LIPI: variants seen among roughly 807,000 people sequenced by gnomAD.
LIPI encodes lipase I.
A neutral mutation model predicts 50.6 loss-of-function variants in LIPI; 59 were observed. The observed-to-expected ratio is 1.16, with a 90% confidence interval of 0.94 to 1.45. The LOEUF (loss-of-function observed/expected upper bound fraction) is 1.45, where lower values mean the gene tolerates loss of function less well. LIPI is among the 40% of genes most tolerant of loss of function. LIPI has a pLI of 0.00. For synonymous variants in LIPI, 203 were observed against 178.2 expected, an observed-to-expected ratio of 1.14 and a Z score of -1.11; for missense variants, 586 against 536.3, an observed-to-expected ratio of 1.09 and a Z score of -0.92.
At position 14,113,697 on chromosome 21, in the gene LIPI, G is replaced by A. The variant is rs28798168; in HGVS notation, c.1296-4617C>T. Among the ~76,000 whole-genome samples the A allele has an allele frequency of 6.3e-3, 953 of 152,278 alleles. 12 individuals carry two copies. The highest frequency in any genetic ancestry group is 0.021 in the African/African-American group (877 of 41,544). ...ACTTGATGAAAACTATAAACCCACT[G>A]TATTAGTCTGTTCTCACACTGCTAT... On this transcript the variant is annotated intron_variant, in intron 9 of 9. Coordinates refer to ENST00000681601, the MANE Select transcript of LIPI (RefSeq NM_001302998.2).
intron 9 of LIPI, among the ~76,000 whole-genome samples, chr21:14,126,264 CATT>C (rs1158824214): frequency 1.3e-5 from 2 of 152,138 alleles, no homozygotes; most frequent in Non-Finnish European, 2.9e-5. Context: ...TTAACAGCAG[CATT>C]ATTATAAACA....
At chr21:14,140,651 T>C (rs1434913217) in intron 9 of LIPI, among the ~76,000 whole-genome samples, 2 of 152,150 alleles carry the variant, frequency 1.3e-5, no homozygotes, top group Non-Finnish European at 2.9e-5. Context: ...TTAATCTTGA[T>C]ATATGACATA....
At chr21:14,152,715 CATT>C (rs1568852449) in intron 7 of LIPI, 31 bp from the exon 8 acceptor site, 5 of 1,134,706 alleles carry the variant, frequency 4.4e-6, no homozygotes, top group Non-Finnish European at 6.6e-6. Flanking sequence ...ATACAACTCA[CATT>C]ATTTTTTAAT....
At position 14,124,545 on chromosome 21, in the gene LIPI, A is replaced by C. The variant is rs538108447; in HGVS notation, c.1296-15465T>G. ...GCTTCACCTCTCTAGGGCAGCTGCA[A>C]AGTTACAAGGTTGATACAGAAACAT... On this transcript the variant is annotated intron_variant, in intron 9 of 9. Transcript: ENST00000681601. 3.9e-5 allele frequency among the ~76,000 whole-genome samples: 6 copies of C among 152,240 alleles called. No individual in the cohort carries two copies. In the South Asian group the frequency reaches 1.2e-3, roughly 32 times the overall value.
intron 4 of LIPI, among the ~76,000 whole-genome samples, chr21:14,173,887 T>C (rs367574446): frequency 6.6e-6 from 1 of 151,856 alleles, no homozygotes; most frequent in South Asian, 2.1e-4. Flanking sequence ...GGTGACTTGA[T>C]TGGGACAATG....
At chr21:14,161,341 T>A (rs1281965323) in intron 7 of LIPI, among the ~76,000 whole-genome samples, 1 of 145,218 alleles carries the variant, frequency 6.9e-6, no homozygotes, top group Non-Finnish European at 1.5e-5. Flanking sequence ...TATATAGTTA[T>A]ATATAATATA....
chr21:14,164,986 C>T (rs2018624891), intron 6 of LIPI, among the ~76,000 whole-genome samples: 1 of 152,094 alleles, frequency 6.6e-6, no homozygotes, highest in East Asian at 1.9e-4. Flanking sequence ...CTAATCTGCC[C>T]ACTACACTGA....
intron 9 of LIPI, among the ~76,000 whole-genome samples, chr21:14,140,819 A>G (rs898574293): frequency 6.6e-6 from 1 of 152,072 alleles, no homozygotes; most frequent in Non-Finnish European, 1.5e-5. Context: ...TTACTGTTTC[A>G]TAAAGCTGTG....
intron 4 of LIPI, among the ~76,000 whole-genome samples, chr21:14,166,949 C>T (rs1044770456): frequency 3.9e-5 from 6 of 152,214 alleles, no homozygotes; most frequent in Non-Finnish European, 8.8e-5. Flanking sequence ...CAGGGAGTTC[C>T]CTTTCCTAGT....
chr21:14,158,374 A>T (rs1330882897), intron 7 of LIPI, among the ~76,000 whole-genome samples: 1 of 151,634 alleles, frequency 6.6e-6, no homozygotes, highest in Non-Finnish European at 1.5e-5. Context: ...TTCTCTAAAA[A>T]ATACATAGAA....
rs2019548129 is a variant in LIPI, at chr21:14,188,903, T to A, written c.432+131A>T. 5 of 790,138 alleles carry A rather than the reference T, an allele frequency of 6.3e-6. No homozygotes were observed. The Admixed American group carries it at 8.5e-5, about 14-fold the overall frequency. 48.9% of individuals were successfully genotyped at this position (790,138 alleles called of 1,614,324 possible). A position where few individuals can be genotyped will look rare whatever the true frequency, so the allele number is the denominator to read the frequency against. On this transcript the variant is annotated intron_variant, in intron 2 of 9. Transcript: ENST00000681601. Reference sequence around the variant, plus strand: ...ATACATTGGTATATCAAACCAGTAATTGTTAATGCTTATGGGGAAAAGTAT... The same window carrying A: ...ATACATTGGTATATCAAACCAGTAAATGTTAATGCTTATGGGGAAAAGTAT...
chr21:14,150,052 T>C (rs1302822926), intron 8 of LIPI, among the ~76,000 whole-genome samples: 1 of 152,198 alleles, frequency 6.6e-6, no homozygotes, highest in Non-Finnish European at 1.5e-5. Flanking sequence ...CACACTGCCC[T>C]AGCAGAGGTT....
At chr21:14,170,008 G>T (rs1824624994) in intron 4 of LIPI, among the ~76,000 whole-genome samples, 1 of 152,048 alleles carries the variant, frequency 6.6e-6, no homozygotes, top group African/African-American at 2.4e-5. Context: ...TCAAATAGAT[G>T]CAATAAAAAA....
chr21:14,189,890 AAAT>A (rs1433262529), intron 1 of LIPI, among the ~76,000 whole-genome samples: 4 of 152,114 alleles, frequency 2.6e-5, no homozygotes, highest in African/African-American at 4.8e-5. Flanking sequence ...TCAAAAAATT[AAAT>A]AATAAATATT....
chr21:14,183,212 C>T (rs1479073740), intron 3 of LIPI, among the ~76,000 whole-genome samples: 1 of 151,944 alleles, frequency 6.6e-6, no homozygotes, highest in Non-Finnish European at 1.5e-5. Flanking sequence ...CTGAGAAAAA[C>T]AAGAAATGGG....
At chr21:14,135,470 TG>T (rs1166400807) in intron 9 of LIPI, among the ~76,000 whole-genome samples, 1 of 152,112 alleles carries the variant, frequency 6.6e-6, no homozygotes, top group African/African-American at 2.4e-5. Context: ...AGTGGCGGCA[TG>T]GTGCAGAGAC....
At chr21:14,167,735 C>A (rs2018743518) in intron 4 of LIPI, among the ~76,000 whole-genome samples, 1 of 151,976 alleles carries the variant, frequency 6.6e-6, no homozygotes, top group Non-Finnish European at 1.5e-5. Context: ...CATCAAAGAC[C>A]AAAAGTAGAT....
At chr21:14,201,356 C>T (rs767561004) in intron 1 of LIPI, among the ~76,000 whole-genome samples, 2 of 152,006 alleles carry the variant, frequency 1.3e-5, no homozygotes, top group Admixed American at 6.6e-5. Flanking sequence ...GCAAACTATG[C>T]ATCCAACAAA....
intron 1 of LIPI, among the ~76,000 whole-genome samples, chr21:14,194,483 G>T (rs415127): frequency 6.6e-6 from 1 of 151,890 alleles, no homozygotes; most frequent in Non-Finnish European, 1.5e-5. Flanking sequence ...AGGTGAAATT[G>T]ACACATACTA....
Sources: gnomAD v4.1 joint callset for allele counts (sites outside exome capture counted in the v4.1 genomes callset) on GRCh38, gnomAD v4.1.1 for gene constraint, MANE v1.5 for transcripts, NCBI Gene and HGNC (gene_info 2026-07-23, HGNC 2026-07-21) for gene names.